ASB1: variants seen among roughly 807,000 people sequenced by gnomAD.
The protein encoded by ASB1 is ankyrin repeat and SOCS box containing 1.
Under a neutral mutation model 27.7 loss-of-function variants are expected in ASB1, and 18 were observed. That is an observed-to-expected ratio of 0.65 (90% CI 0.45 to 0.96). The LOEUF (loss-of-function observed/expected upper bound fraction) is 0.96. ASB1 is among the 50% of genes least tolerant of loss of function. The pLI, the probability that ASB1 is intolerant of heterozygous loss-of-function variation, is 0.00. For missense variants in ASB1, 397 were observed against 451.7 expected (o/e 0.88, Z 1.10); for synonymous variants, 189 against 187.6 (o/e 1.01, Z -0.06).
At chr2:238,427,245 C>T (rs1220294765) in intron 1 of ASB1, 126 bp downstream of exon 1, 1 of 679,952 alleles carries the variant, frequency 1.5e-6, no homozygotes, top group Non-Finnish European at 2.0e-6. Flanking sequence ...GCCAGGGAGC[C>T]GCACCCTGCA....
intron 3 of ASB1, among the ~76,000 whole-genome samples, chr2:238,442,352 TCCA>T (rs1259596301): frequency 6.6e-6 from 1 of 152,116 alleles, no homozygotes; most frequent in Non-Finnish European, 1.5e-5. Flanking sequence ...CCTCAGATGA[TCCA>T]CCTGCCTTGG....
At chr2:238,427,204 C>T in intron 1 of ASB1, 85 bp downstream of exon 1, 4 of 1,060,280 alleles carry the variant, frequency 3.8e-6, no homozygotes, top group South Asian at 4.6e-5. Flanking sequence ...GTCCTGCGTC[C>T]TCGTCCCGGG....
Position 238,450,999 on chromosome 2 carries a change from TCCAAACCC to T in ASB1, c.*4489_*4496del, listed in dbSNP as rs1559418667. The T allele has an allele frequency of 1.6e-5, 1 of 64,110 alleles. No homozygotes were observed. Among genetic ancestry groups the T allele is most frequent in the Non-Finnish European group, 4.5e-5 (1 of 22,306 alleles). The allele number at this position is 64,110 out of a possible 1,614,324, so 4.0% of individuals were successfully genotyped here. ...TTATGCCTCACTCCCCTCCTCCCGC[TCCAAACCC>T]GAACCTCTCAGTGTGGAATGAACGC... On this transcript the variant is annotated 3_prime_UTR_variant, in exon 5 of 5. Transcript: ENST00000264607.
Position 238,427,040 on chromosome 2 carries a change from G to C in ASB1, c.-31G>C. ...CTTCCTGCCCGAGGGGCGTGCGCGG[G>C]TCAGGGGCGGCCGCGGAGGCGGAAG... On this transcript the variant is annotated 5_prime_UTR_variant, in exon 1 of 5. Transcript: ENST00000264607. 1.6e-6 allele frequency: 2 copies of C among 1,256,744 alleles called. No homozygotes were observed. The highest frequency in any genetic ancestry group is 1.6e-5 in the African/African-American group (1 of 64,430). 77.8% of individuals were successfully genotyped at this position (1,256,744 alleles called of 1,614,324 possible).
At chr2:238,440,574 T>G (rs577636900) in intron 3 of ASB1, among the ~76,000 whole-genome samples, 5 of 152,344 alleles carry the variant, frequency 3.3e-5, no homozygotes, top group African/African-American at 1.2e-4. Context: ...GTTTGGGCTC[T>G]CACCTCTCAT....
Position 238,444,415 on chromosome 2 carries a change from T to G in ASB1, c.568T>G (p.Ser190Ala). The G allele has an allele frequency of 6.2e-7, 1 of 1,613,776 alleles. No individual in the cohort carries two copies. Among genetic ancestry groups the G allele is most frequent in the African/African-American group, 1.3e-5 (1 of 75,014 alleles). The part of the protein sequence containing the change: ...VQPRFSRRLT[S>A]LVVCPLYISA... ...GCCTCGATTCTCCCGGCGGCTCACC[T>G]CCTTGGTGGTCTGCCCCTTGTACAT... Residue 190 changes from serine to alanine, a missense_variant, in exon 4 of 5, where the codon TCC becomes GCC. Physicochemically the swap from Ser to Ala is moderately conservative, Grantham distance 99. Transcript: ENST00000264607.
At position 238,444,321 on chromosome 2, in the gene ASB1, C is replaced by T. The variant is rs766052258; in HGVS notation, c.495-21C>T. On this transcript the variant is annotated intron_variant, in intron 3 of 4. Coordinates refer to ENST00000264607, the MANE Select transcript of ASB1 (RefSeq NM_001040445.3). ...GTGGTCAGTCCCCTGCACAGTCTGA[C>T]TTTCCCTTTCTTCCCTGCAGGTACG... 3 of 1,585,232 alleles carry T rather than the reference C, an allele frequency of 1.9e-6. No individual in the cohort carries two copies. The African/African-American group carries it at 4.0e-5, about 21-fold the overall frequency.
At chr2:238,431,789 ACCACGT>A (rs1325645897) in intron 1 of ASB1, among the ~76,000 whole-genome samples, 2 of 152,184 alleles carry the variant, frequency 1.3e-5, no homozygotes, top group African/African-American at 2.4e-5. Flanking sequence ...CAGAACACAG[ACCACGT>A]TGATGGATTA....
chr2:238,431,953 C>T (rs1240833416), intron 1 of ASB1, among the ~76,000 whole-genome samples: 3 of 152,180 alleles, frequency 2.0e-5, no homozygotes, highest in African/African-American at 7.2e-5. Context: ...CCAGAAGACA[C>T]AAAATGGACA....
chr2:238,435,047 C>T (rs1034407107), intron 2 of ASB1: 1 of 152,242 alleles, frequency 6.6e-6, no homozygotes. Flanking sequence ...ACACTGGGAG[C>T]TCGCTGTGAA....
chr2:238,444,720 G>C lies in ASB1; in HGVS notation c.873G>C (p.Glu291Asp), dbSNP rs769242163. 6.2e-7 allele frequency: 1 copy of C among 1,606,860 alleles called. No individual in the cohort carries two copies. Among genetic ancestry groups the C allele is most frequent in the South Asian group, 1.1e-5 (1 of 90,504 alleles). ...VDPEALQVFK[E>D]ARSVPRTLLC... is the part of the protein sequence containing the mutation. ...CTGAGGCCTTGCAGGTCTTTAAAGA[G>C]GCCAGAAGTAAGTGGCTTGAGTTCA... The change falls in exon 4 of 5, where the codon GAG (glutamate) becomes GAC (aspartate). Residue 291 changes from glutamate to aspartate, a missense_variant. Coordinates refer to ENST00000264607, the MANE Select transcript of ASB1 (RefSeq NM_001040445.3).
At chr2:238,432,635 A>G (rs1483485152) in intron 1 of ASB1, among the ~76,000 whole-genome samples, 1 of 152,128 alleles carries the variant, frequency 6.6e-6, no homozygotes, top group Non-Finnish European at 1.5e-5. Context: ...GGAGATGACT[A>G]TGTTCTCCTT....
rs57391955 is a variant in ASB1 at position 238,438,199 on chromosome 2, A to AT, written c.494+2204dup. Among the ~76,000 whole-genome samples, 100 of 98,206 alleles carry AT rather than the reference A, an allele frequency of 1.0e-3. 2 individuals carry two copies. The highest frequency in any genetic ancestry group is 9.0e-3 in the East Asian group (32 of 3,558). 64.4% of individuals were successfully genotyped at this position (98,206 alleles called of 152,430 possible). A position where few individuals can be genotyped will look rare whatever the true frequency, so the allele number is the denominator to read the frequency against. On this transcript the variant is annotated intron_variant, in intron 3 of 4. Coordinates refer to ENST00000264607, the MANE Select transcript of ASB1 (RefSeq NM_001040445.3). ...AGAAGTACATATACAGATGCCCTTC[A>AT]TTTTTTTTTTTTTTTTTTGAGACGG...
At chr2:238,443,534 AACACC>A (rs1212479536) in intron 3 of ASB1, among the ~76,000 whole-genome samples, 2 of 152,142 alleles carry the variant, frequency 1.3e-5, no homozygotes, top group African/African-American at 4.8e-5. Context: ...GGGTACCTTT[AACACC>A]AGTGTTCAAC....
rs1374144725 is a variant in ASB1, at chr2:238,444,250, C to A, written c.495-92C>A. 4 of 1,447,100 alleles carry A rather than the reference C, an allele frequency of 2.8e-6. No homozygotes were observed. In the East Asian group the frequency reaches 9.3e-5, roughly 34 times the overall value. The allele number at this position is 1,447,100 out of a possible 1,614,324, so 89.6% of individuals were successfully genotyped here. ...GGTGTCACTGAATCAAGGCCTTCTG[C>A]TCAGGGTGGCTGTGGGATTTGTTGG... On this transcript the variant is annotated intron_variant, in intron 3 of 4. Transcript: ENST00000264607.
chr2:238,443,581 C>T (rs1203660001), intron 3 of ASB1, among the ~76,000 whole-genome samples: 6 of 152,226 alleles, frequency 3.9e-5, no homozygotes, highest in Non-Finnish European at 7.3e-5. Flanking sequence ...CTGTCTTGCT[C>T]CAGCTTTGGC....
At chr2:238,429,177 A>G (rs1423116892) in intron 1 of ASB1, among the ~76,000 whole-genome samples, 2 of 152,138 alleles carry the variant, frequency 1.3e-5, no homozygotes, top group African/African-American at 4.8e-5. Context: ...AAAAGAGATT[A>G]ATTTTAATAT....
At chr2:238,436,464 G>A (rs1201780648) in intron 3 of ASB1, among the ~76,000 whole-genome samples, 1 of 151,836 alleles carries the variant, frequency 6.6e-6, no homozygotes, top group African/African-American at 2.4e-5. Flanking sequence ...TTTCATTTTG[G>A]GGATTCTTTG....
At position 238,451,495 on chromosome 2, in the gene ASB1, T is replaced by G. The variant is rs1702284271; in HGVS notation, c.*4984T>G. ...CAGTGTCTGCTCAGCTCCCACTGCT[T>G]CTCTTTGCTGTTGGGCATGTGAGGC... is the stretch of plus-strand genomic sequence containing the variant. On this transcript the variant is annotated 3_prime_UTR_variant, in exon 5 of 5. Coordinates refer to ENST00000264607, the MANE Select transcript of ASB1 (RefSeq NM_001040445.3). The G allele has an allele frequency of 6.6e-6, 1 of 152,492 alleles. No homozygotes were observed. The highest frequency in any genetic ancestry group is 2.1e-4 in the South Asian group (1 of 4,834). The allele number at this position is 152,492 out of a possible 1,614,324, so 9.4% of individuals were successfully genotyped here. A position where few individuals can be genotyped will look rare whatever the true frequency, so the allele number is the denominator to read the frequency against.
Sources: allele counts gnomAD v4.1 joint callset (sites outside exome capture counted in the v4.1 genomes callset), GRCh38; gene constraint gnomAD v4.1.1; transcripts MANE v1.5; gene names NCBI Gene and HGNC (gene_info 2026-07-23, HGNC 2026-07-21).